Variants in NFIA observed in about 807,000 individuals in gnomAD.
The protein encoded by NFIA is nuclear factor 1 A-type.
In NFIA, 8 loss-of-function variants were observed where a neutral mutation model predicts 62.8. The ratio of observed to expected loss-of-function variants is 0.13; its 90% CI spans 0.07 to 0.23. The LOEUF (loss-of-function observed/expected upper bound fraction) is 0.23, where lower values mean the gene tolerates loss of function less well. Among genes scored for constraint, NFIA ranks in the 10% least tolerant of loss-of-function variants. The pLI is 1.00. For synonymous variants in NFIA, 235 were observed against 238.1 expected (o/e 0.99, Z 0.12); for missense variants, 410 against 642.1 (o/e 0.64, Z 3.91).
chr1:61,340,759 A>G (rs909034811), intron 4 of NFIA, among the ~76,000 whole-genome samples: 6 of 151,126 alleles, frequency 4.0e-5, no homozygotes, highest in Non-Finnish European at 8.8e-5. Context: ...TTCATGTTCT[A>G]ACAACCAATT....
chr1:61,081,551 T>G (rs1489319205), upstream of NFIA, among the ~76,000 whole-genome samples: 1 of 152,170 alleles, frequency 6.6e-6, no homozygotes, highest in Non-Finnish European at 1.5e-5. Context: ...CATATTTTTT[T>G]CCTCCTAAAA....
chr1:61,246,497 C>G (rs923777669), intron 2 of NFIA, among the ~76,000 whole-genome samples: 5 of 152,102 alleles, frequency 3.3e-5, no homozygotes, highest in African/African-American at 1.2e-4. Context: ...AACAGAACCC[C>G]TGCATGACTT....
intron 6 of NFIA, among the ~76,000 whole-genome samples, chr1:61,370,761 A>G (rs1011795723): frequency 2.0e-5 from 3 of 152,178 alleles, no homozygotes; most frequent in Non-Finnish European, 4.4e-5. Context: ...TTATTCAGAC[A>G]ATACTCCCAC....
At chr1:61,276,359 G>C (rs1312287702) in intron 2 of NFIA, among the ~76,000 whole-genome samples, 1 of 152,112 alleles carries the variant, frequency 6.6e-6, no homozygotes, top group Non-Finnish European at 1.5e-5. Context: ...TAACTCAGTT[G>C]CTATAGAAGT....
Position 61,088,743 on chromosome 1 carries a change from G to T in NFIA, c.559+63G>T. The T allele has an allele frequency of 6.6e-7, 1 of 1,526,236 alleles. No homozygotes were observed. The highest frequency in any genetic ancestry group is 1.3e-5 in the South Asian group (1 of 79,130). 94.5% of individuals were successfully genotyped at this position (1,526,236 alleles called of 1,614,324 possible). On this transcript the variant is annotated intron_variant, in intron 2 of 10. Transcript: ENST00000403491. The surrounding 1 kb of genome is among the most constrained non-coding windows in gnomAD (Gnocchi z 4.5). ...GTGTGTTTCTTTCCTGATGGCCTCC[G>T]CGTTATGCCGGATTCTTCCTGAGCT...
At chr1:61,177,652 ATT>A (rs1650467876) in intron 2 of NFIA, among the ~76,000 whole-genome samples, 1 of 122,138 alleles carries the variant, frequency 8.2e-6, no homozygotes, top group African/African-American at 3.2e-5. Context: ...TGTTTTCTCT[ATT>A]GTGTGTGTGT....
intron 7 of NFIA, among the ~76,000 whole-genome samples, chr1:61,384,455 T>G (rs1053507739): frequency 2.0e-5 from 3 of 152,162 alleles, no homozygotes; most frequent in Non-Finnish European, 4.4e-5. Context: ...AAACATCTTG[T>G]GATCATTGGT....
At chr1:61,181,318 C>T (rs1650741185) in intron 2 of NFIA, among the ~76,000 whole-genome samples, 1 of 152,182 alleles carries the variant, frequency 6.6e-6, no homozygotes, top group Non-Finnish European at 1.5e-5. Flanking sequence ...TAATGATGCG[C>T]CATGCCAAAT....
At chr1:61,290,017 T>TC (rs1313627455) in intron 3 of NFIA, among the ~76,000 whole-genome samples, 2 of 151,080 alleles carry the variant, frequency 1.3e-5, no homozygotes, top group Non-Finnish European at 3.0e-5. Flanking sequence ...AAGTTTCTTT[T>TC]TTTTTTTTTT....
chr1:61,451,050 G>A (rs534387613), intron 10 of NFIA, among the ~76,000 whole-genome samples: 11 of 152,204 alleles, frequency 7.2e-5, no homozygotes, highest in Admixed American at 3.3e-4. Flanking sequence ...TTTGGAAGAC[G>A]GCCCCTGTGT....
At chr1:61,095,784 T>G (rs1159338622) in intron 2 of NFIA, among the ~76,000 whole-genome samples, 1 of 152,214 alleles carries the variant, frequency 6.6e-6, no homozygotes, top group African/African-American at 2.4e-5. Context: ...AAAGTTAAAC[T>G]AATTCGTTCT....
chr1:61,441,331 G>GTGTGTGTGTGTGTGTC lies in NFIA; in HGVS notation c.1513-13969_1513-13968insGTGTGTGTGTGTCTGT, dbSNP rs1360188951. On this transcript the variant is annotated intron_variant, in intron 10 of 10. Transcript: ENST00000403491. ...TGTGTGTGTGTGTGTGTGTGTGTGT[G>GTGTGTGTGTGTGTGTC]TGTCTGTCTGTCTGTCTGTCTGTGT... 4.2e-3 allele frequency among the ~76,000 whole-genome samples: 597 copies of GTGTGTGTGTGTGTGTC among 142,356 alleles called. 2 individuals are homozygous for GTGTGTGTGTGTGTGTC. Among genetic ancestry groups the GTGTGTGTGTGTGTGTC allele is most frequent in the Non-Finnish European group, 6.9e-3 (454 of 65,642 alleles). 93.4% of individuals were successfully genotyped at this position (142,356 alleles called of 152,430 possible). A position where few individuals can be genotyped will look rare whatever the true frequency, so the allele number is the denominator to read the frequency against.
intron 10 of NFIA, among the ~76,000 whole-genome samples, chr1:61,432,246 A>G (rs1202387561): frequency 6.9e-6 from 1 of 144,056 alleles, no homozygotes; most frequent in Admixed American, 7.0e-5. Context: ...TGCCAATCAG[A>G]TGGTAGATCG....
chr1:61,205,650 A>T (rs1268380566), intron 2 of NFIA, among the ~76,000 whole-genome samples: 1 of 152,094 alleles, frequency 6.6e-6, no homozygotes, highest in Non-Finnish European at 1.5e-5. Context: ...ACTAGGCATA[A>T]ATATGTTAAA....
chr1:61,156,854 T>G (rs1243575760), intron 2 of NFIA, among the ~76,000 whole-genome samples: 2 of 152,234 alleles, frequency 1.3e-5, no homozygotes, highest in Non-Finnish European at 2.9e-5. Context: ...ACAAGTGTCA[T>G]GTATAATAGG....
chr1:61,127,263 C>T (rs1009276910), intron 2 of NFIA, among the ~76,000 whole-genome samples: 3 of 151,734 alleles, frequency 2.0e-5, no homozygotes, highest in Admixed American at 6.6e-5. Flanking sequence ...CGAGACCATC[C>T]TGGCTAACAC....
intron 2 of NFIA, among the ~76,000 whole-genome samples, chr1:61,126,345 G>A (rs990602913): frequency 2.6e-5 from 4 of 151,808 alleles, no homozygotes; most frequent in Admixed American, 1.3e-4. Flanking sequence ...CAGAGCTGAT[G>A]CAATTCTCTT....
intron 2 of NFIA, among the ~76,000 whole-genome samples, chr1:61,210,333 C>T (rs1168183728): frequency 6.6e-6 from 1 of 152,116 alleles, no homozygotes; most frequent in Non-Finnish European, 1.5e-5. Context: ...TTATGGTATT[C>T]CTGTTTTCAG....
chr1:61,362,488 C>T (rs1663351185), intron 6 of NFIA, among the ~76,000 whole-genome samples: 1 of 152,172 alleles, frequency 6.6e-6, no homozygotes, highest in Non-Finnish European at 1.5e-5. Flanking sequence ...CCAGGACTCC[C>T]TGGCCAAAAG....
Sources: allele counts gnomAD v4.1 joint callset (sites outside exome capture counted in the v4.1 genomes callset), GRCh38; gene constraint gnomAD v4.1.1; non-coding constraint Gnocchi (gnomAD v3.1); transcripts MANE v1.5; gene names NCBI Gene and HGNC (gene_info 2026-07-23, HGNC 2026-07-21).